SYBU: variants seen among roughly 807,000 people sequenced by gnomAD.
SYBU encodes syntabulin, also known as GOLSYN A protein.
A neutral mutation model predicts 35.9 loss-of-function variants in SYBU; 21 were observed. That is an observed-to-expected ratio of 0.58 (90% CI 0.41 to 0.84). The LOEUF (loss-of-function observed/expected upper bound fraction) is 0.84. SYBU is among the 40% of genes least tolerant of loss of function. SYBU has a pLI of 0.00. For synonymous variants in SYBU, 319 were observed against 324.3 expected (o/e 0.98, Z 0.18); for missense variants, 768 against 848.2 (o/e 0.91, Z 1.17).
chr8:109,679,268 C>A (rs1178828300), intron 1 of SYBU, among the ~76,000 whole-genome samples: 1 of 152,176 alleles, frequency 6.6e-6, no homozygotes, highest in Non-Finnish European at 1.5e-5. Context: ...CCAGAAAACT[C>A]ATGAATAATC....
intron 2 of SYBU, among the ~76,000 whole-genome samples, chr8:109,635,682 C>T (rs746927976): frequency 1.3e-5 from 2 of 152,118 alleles, no homozygotes; most frequent in Non-Finnish European, 1.5e-5. Flanking sequence ...GTGTCTAGAC[C>T]CATCTGTTCT....
chr8:109,677,067 T>G (rs928429922), intron 1 of SYBU, among the ~76,000 whole-genome samples: 1 of 150,906 alleles, frequency 6.6e-6, no homozygotes, highest in African/African-American at 2.4e-5. Context: ...AAGGAAGATA[T>G]AGGAAAAAAA....
chr8:109,663,115 TGTTTA>T (rs1219494865), intron 1 of SYBU, among the ~76,000 whole-genome samples: 3 of 152,160 alleles, frequency 2.0e-5, no homozygotes, highest in Non-Finnish European at 2.9e-5. Context: ...TTCAATATGA[TGTTTA>T]GTTTAATGCC....
chr8:109,585,967 C>G (rs1426771486), intron 4 of SYBU, 93 bp downstream of exon 4: 1 of 786,238 alleles, frequency 1.3e-6, no homozygotes, highest in East Asian at 2.7e-5. Flanking sequence ...AAAATATGAA[C>G]GGACAGTAAT....
chr8:109,595,417 A>G (rs1198689355), intron 3 of SYBU, among the ~76,000 whole-genome samples: 1 of 152,190 alleles, frequency 6.6e-6, no homozygotes, highest in Non-Finnish European at 1.5e-5. Context: ...CCCTTCTTAT[A>G]GGGTCTGTGG....
intron 2 of SYBU, among the ~76,000 whole-genome samples, chr8:109,623,639 C>T (rs1375117648): frequency 6.6e-6 from 1 of 152,134 alleles, no homozygotes; most frequent in African/African-American, 2.4e-5. Flanking sequence ...TCTCTCTTTA[C>T]ATTATAAGGT....
chr8:109,575,435 A>ACGG lies in SYBU; in HGVS notation c.1460_1462dup (p.Ala487dup), dbSNP rs769081037. 6.2e-7 allele frequency: 1 copy of ACGG among 1,614,046 alleles called. No homozygotes were observed. The highest frequency in any genetic ancestry group is 8.5e-7 in the Non-Finnish European group (1 of 1,180,020). The stretch of plus-strand genomic sequence containing the variant: ...GCTGTAGGGCACCACGTCGGTCTGA[A>ACGG]CGGCTCGCTCCACCACCACACTGCC... On this transcript the variant is annotated inframe_insertion, in exon 7 of 7. Transcript: ENST00000276646.
chr8:109,650,032 C>A (rs1816055535), intron 1 of SYBU, among the ~76,000 whole-genome samples: 2 of 152,148 alleles, frequency 1.3e-5, no homozygotes, highest in South Asian at 4.1e-4. Context: ...TAGAGAAGCA[C>A]CTTCCTTCCC....
At chr8:109,618,496 A>T (rs11992641) in intron 3 of SYBU, among the ~76,000 whole-genome samples, 1 of 152,190 alleles carries the variant, frequency 6.6e-6, no homozygotes, top group Non-Finnish European at 1.5e-5. Flanking sequence ...GTGGTCACTT[A>T]TGATAGTACT....
chr8:109,647,312 A>T (rs1399661035), upstream of SYBU: 1 of 151,848 alleles, frequency 6.6e-6, no homozygotes, highest in Non-Finnish European at 1.5e-5. Context: ...TCGGAGGTGG[A>T]GGTTTTGTAT....
At chr8:109,600,285 C>A (rs1229826968) in intron 3 of SYBU, among the ~76,000 whole-genome samples, 1 of 152,158 alleles carries the variant, frequency 6.6e-6, no homozygotes, top group Non-Finnish European at 1.5e-5. Flanking sequence ...TCCTATTTTG[C>A]CCTTTAGGTT....
chr8:109,645,633 G>GTTTTTTTTTTTTTTTTTTTTTTTT (rs77642059), upstream of SYBU: 2 of 217,766 alleles, frequency 9.2e-6, no homozygotes, highest in African/African-American at 5.4e-5. Context: ...TTCGTTTTTT[G>GTTTTTTTTTTTTTTTTTTTTTTTT]TTTTTTTTTT....
intron 1 of SYBU, among the ~76,000 whole-genome samples, chr8:109,655,136 C>T (rs1389771855): frequency 1.3e-5 from 2 of 152,216 alleles, no homozygotes; most frequent in African/African-American, 4.8e-5. Flanking sequence ...TTAATCCTTG[C>T]ATTCCGCCTT....
At chr8:109,646,581 T>C (rs1160267154), upstream of SYBU, 1 of 152,214 alleles carries the variant, frequency 6.6e-6, no homozygotes, top group African/African-American at 2.4e-5. Flanking sequence ...AATATGGACC[T>C]CAGGAAAGTG....
chr8:109,609,501 C>T lies in SYBU; in HGVS notation c.427+9341G>A, dbSNP rs1406615861. On this transcript the variant is annotated intron_variant, in intron 3 of 6. Coordinates refer to ENST00000276646, the MANE Select transcript of SYBU (RefSeq NM_001099754.2). The stretch of plus-strand genomic sequence containing the variant: ...CTCAATTCAGTGACTGAATAGCTTT[C>T]GATAATGAAGGATACTCATATATGT... Among the ~76,000 whole-genome samples the T allele has an allele frequency of 2.0e-5, 3 of 152,058 alleles. 1 individual carries two copies. The highest frequency in any genetic ancestry group is 4.4e-5 in the Non-Finnish European group (3 of 68,026).
chr8:109,660,378 T>C (rs996609996), intron 1 of SYBU, among the ~76,000 whole-genome samples: 1 of 152,220 alleles, frequency 6.6e-6, no homozygotes, highest in Admixed American at 6.5e-5. Context: ...TACGTTAGTA[T>C]TGTATCTTAT....
At chr8:109,607,807 C>G in intron 3 of SYBU, 1 of 623,460 alleles carries the variant, frequency 1.6e-6, no homozygotes, top group Non-Finnish European at 2.7e-6. Flanking sequence ...CCACAACTAA[C>G]TCACACACAC....
At chr8:109,653,799 A>G (rs182571278) in intron 1 of SYBU, among the ~76,000 whole-genome samples, 1 of 152,220 alleles carries the variant, frequency 6.6e-6, no homozygotes, top group East Asian at 1.9e-4. Flanking sequence ...CCTGCCTCCA[A>G]ACCTATAAAT....
At chr8:109,591,506 ATTTTTTT>A (rs1047402673) in intron 3 of SYBU, among the ~76,000 whole-genome samples, 12 of 100,916 alleles carry the variant, frequency 1.2e-4, no homozygotes, top group East Asian at 2.7e-4. Context: ...AAAAATGTAA[ATTTTTTT>A]TTTTTTTTTT....
Sources: allele counts gnomAD v4.1 joint callset (sites outside exome capture counted in the v4.1 genomes callset), GRCh38; gene constraint gnomAD v4.1.1; transcripts MANE v1.5; gene names NCBI Gene and HGNC (gene_info 2026-07-23, HGNC 2026-07-21).